Variants in LRP1 observed in about 807,000 individuals in gnomAD.
LRP1 encodes the protein LDL receptor related protein 1.
Under a neutral mutation model 541.5 loss-of-function variants are expected in LRP1, and 51 were observed. The ratio of observed to expected loss-of-function variants is 0.09; its 90% CI spans 0.08 to 0.12. The LOEUF is 0.12. Among genes scored for constraint, LRP1 ranks in the 10% least tolerant of loss-of-function variants. The probability of loss-of-function intolerance (pLI) is 1.00; values close to 1 mark genes in which losing one functional copy is unlikely to be tolerated. For missense variants in LRP1, 3,878 were observed against 6,376.2 expected (o/e 0.61, Z 13.34); for synonymous variants, 2,219 against 2,470.8 (o/e 0.90, Z 3.02).
Position 57,158,600 on chromosome 12 carries a change from A to C in LRP1, c.1760A>C (p.Lys587Thr), listed in dbSNP as rs1322290635. The C allele has an allele frequency of 6.2e-7, 1 of 1,614,050 alleles. No homozygotes were observed. The highest frequency in any genetic ancestry group is 8.5e-7 in the Non-Finnish European group (1 of 1,180,020). ...DTTSYLIGRQKIDGTERETIL... is the reference protein window; with the variant it reads ...DTTSYLIGRQTIDGTERETIL... ...ACCAGCTACCTCATTGGCCGCCAGA[A>C]GATTGATGGCACTGAGCGGGAGACC... Residue 587 changes from lysine (K) to threonine (T), a missense_variant, in exon 11 of 89, where the codon AAG (lysine) becomes ACG (threonine). Transcript: ENST00000243077. This position sits in a 1 kb window ranked among gnomAD's most constrained non-coding sequence, Gnocchi z 5.3.
At position 57,211,941 on chromosome 12, in the gene LRP1, C is replaced by T. The variant is rs2036927338; in HGVS notation, c.13273C>T (p.Leu4425=). The T allele has an allele frequency of 6.2e-7, 1 of 1,614,042 alleles. No individual in the cohort carries two copies. Among genetic ancestry groups the T allele is most frequent in the African/African-American group, 1.3e-5 (1 of 74,914 alleles). The change falls in exon 87 of 89, where the codon CTA becomes TTA. Residue 4425 remains leucine, a synonymous_variant. Transcript: ENST00000243077. This position sits in a 1 kb window ranked among gnomAD's most constrained non-coding sequence, Gnocchi z 4.3. Reference sequence around the variant, plus strand: ...CTTCCCTCCAGATATAGCCTCCATCCTAATCCCTCTGCTGTTGCTGCTGCT... The same window carrying T: ...CTTCCCTCCAGATATAGCCTCCATCTTAATCCCTCTGCTGTTGCTGCTGCT... The part of the protein sequence containing the change: ...QQQPGHIASI[L]IPLLLLLLLV...
chr12:57,204,399 C>T lies in LRP1; in HGVS notation c.10952-11C>T, dbSNP rs1447589196. The T allele has an allele frequency of 2.2e-5, 33 of 1,518,392 alleles. No homozygotes were observed. The highest frequency in any genetic ancestry group is 2.9e-5 in the Non-Finnish European group (33 of 1,131,918). The allele number at this position is 1,518,392 out of a possible 1,614,324, so 94.1% of individuals were successfully genotyped here. A position where few individuals can be genotyped will look rare whatever the true frequency, so the allele number is the denominator to read the frequency against. ...TGGCTCATTCTATCTCTTGGCTCCC[C>T]CTGGCACCAGTGCGGACCTGCCCCC... On this transcript the variant is annotated splice_polypyrimidine_tract_variant and intron_variant, in intron 70 of 88. Coordinates refer to ENST00000243077, the MANE Select transcript of LRP1 (RefSeq NM_002332.3). The surrounding 1 kb of genome is among the most constrained non-coding windows in gnomAD (Gnocchi z 5.3).
chr12:57,192,727 G>A lies in LRP1; in HGVS notation c.7430-118G>A, dbSNP rs544049917. Reference sequence around the variant, plus strand: ...CCACTGGCTGCAAGCCGCTGTGCCTGCCGTGACTGAGCAGAGGCTTGGGAG... The same window carrying A: ...CCACTGGCTGCAAGCCGCTGTGCCTACCGTGACTGAGCAGAGGCTTGGGAG... On this transcript the variant is annotated intron_variant, in intron 44 of 88. Transcript: ENST00000243077. 1.3e-5 allele frequency: 19 copies of A among 1,413,318 alleles called. No homozygotes were observed. The African/African-American group carries it at 2.7e-4, about 20-fold the overall frequency. The allele number at this position is 1,413,318 out of a possible 1,614,324, so 87.5% of individuals were successfully genotyped here. A position where few individuals can be genotyped will look rare whatever the true frequency, so the allele number is the denominator to read the frequency against.
rs2036642806 is a variant in LRP1 at position 57,201,021 on chromosome 12, C to T, written c.10226-13C>T. On this transcript the variant is annotated splice_polypyrimidine_tract_variant and intron_variant, in intron 64 of 88. Transcript: ENST00000243077. The surrounding 1 kb of genome is among the most constrained non-coding windows in gnomAD (Gnocchi z 6.4). ...CTCCCTTCGCCACGAATCACCTCCT[C>T]CTCCCTCCACAGACATCCACGTCTG... 3 of 1,613,956 alleles carry T rather than the reference C, an allele frequency of 1.9e-6. No homozygotes were observed. Among genetic ancestry groups the T allele is most frequent in the African/African-American group, 1.3e-5 (1 of 74,912 alleles).
rs2036375696 is a variant in LRP1 at position 57,191,377 on chromosome 12, A to G, written c.7294A>G (p.Ile2432Val). 6.2e-7 allele frequency: 1 copy of G among 1,613,196 alleles called. No homozygotes were observed. Among genetic ancestry groups the G allele is most frequent in the Admixed American group, 1.7e-5 (1 of 59,964 alleles). The change falls in exon 44 of 89, where the codon ATT becomes GTT. Residue 2432 changes from isoleucine to valine, a missense_variant. Transcript: ENST00000243077. ...PFGLAVYGEH[I>V]FWTDWVRRAV... The stretch of plus-strand genomic sequence containing the variant: ...CGGGCTGGCCGTGTATGGGGAGCAC[A>G]TTTTCTGGACTGACTGGGTGCGGCG...
chr12:57,149,348 C>G, intron 6 of LRP1: 1 of 480,880 alleles, frequency 2.1e-6, no homozygotes, highest in Non-Finnish European at 3.7e-6. Context: ...TAACAGCTCA[C>G]TCTTGCTCCT....
In LRP1 at chr12:57,160,930, G is replaced by A. The variant is rs1433951567; in HGVS notation, c.2017G>A (p.Asp673Asn). 1.9e-6 allele frequency: 3 copies of A among 1,613,952 alleles called. No individual in the cohort carries two copies. Among genetic ancestry groups the A allele is most frequent in the Non-Finnish European group, 1.7e-6 (2 of 1,180,016 alleles). The change falls in exon 13 of 89, where the codon GAC becomes AAC. Residue 673 changes from aspartate to asparagine, a missense_variant. This residue lies in a region of LRP1 where 496 missense variants were observed against 861.0 expected (regional missense o/e 0.58). Coordinates refer to ENST00000243077, the MANE Select transcript of LRP1 (RefSeq NM_002332.3). ...GACAGACTGGGAGGAGGACCCCAAG[G>A]ACAGTCGGCGTGGGCGGCTGGAGAG... The part of the protein sequence containing the change: ...YWTDWEEDPK[D>N]SRRGRLERAW...
intron 54 of LRP1, 33 bp downstream of exon 54, chr12:57,196,036 T>G: frequency 1.2e-6 from 2 of 1,611,210 alleles, no homozygotes; most frequent in Non-Finnish European, 1.7e-6. Context: ...CTCTGCCCCC[T>G]CCCCAGACTG....
chr12:57,210,274 C>CT, intron 81 of LRP1, 33 bp from the exon 82 acceptor site: 1 of 1,549,036 alleles, frequency 6.5e-7, no homozygotes, highest in Non-Finnish European at 8.7e-7. Flanking sequence ...TCCTATTCCC[C>CT]TGGCTCTGCC....
chr12:57,155,776 C>T (rs2035606137), intron 8 of LRP1, among the ~76,000 whole-genome samples: 2 of 152,008 alleles, frequency 1.3e-5, no homozygotes, highest in African/African-American at 4.8e-5. Flanking sequence ...TAGGGAAACC[C>T]CATCTCTACA....
In LRP1 at chr12:57,209,870, TG is replaced by T. The variant is rs35949232; in HGVS notation, c.12439+7del. 8.1e-6 allele frequency: 13 copies of T among 1,613,036 alleles called. No homozygotes were observed. Among genetic ancestry groups the T allele is most frequent in the Non-Finnish European group, 8.5e-6 (10 of 1,179,656 alleles). ...ACCATCAGCACAAGCAGCCCGAAGG[TG>T]GGGGCAGAGGGGAGCCTGGGCTGGG... On this transcript the variant is annotated splice_donor_region_variant and intron_variant, in intron 80 of 88. Transcript: ENST00000243077.
In LRP1 at chr12:57,206,416, T is replaced by C. The variant is rs919520430; in HGVS notation, c.11591-57T>C. 3 of 1,565,840 alleles carry C rather than the reference T, an allele frequency of 1.9e-6. No homozygotes were observed. In the African/African-American group the frequency reaches 4.1e-5, roughly 21 times the overall value. ...AGTGTTCATGTGAAAGGAGCTGAGC[T>C]GGGTGGGGTGCACACCTGCATCCCA... On this transcript the variant is annotated intron_variant, in intron 75 of 88. Coordinates refer to ENST00000243077, the MANE Select transcript of LRP1 (RefSeq NM_002332.3). This position sits in a 1 kb window ranked among gnomAD's most constrained non-coding sequence, Gnocchi z 4.7.
At chr12:57,193,405 T>C in intron 46 of LRP1, 101 bp downstream of exon 46, 5 of 1,538,782 alleles carry the variant, frequency 3.2e-6, no homozygotes, top group Non-Finnish European at 4.4e-6. Flanking sequence ...CCCAGCTTCC[T>C]GACCATGAGT....
At chr12:57,174,094 G>A in intron 22 of LRP1, 114 bp downstream of exon 22, 1 of 1,105,084 alleles carries the variant, frequency 9.0e-7, no homozygotes. Context: ...AGCCGGGCAG[G>A]CGAGCAGCAC....
intron 52 of LRP1, 121 bp from the exon 53 acceptor site, chr12:57,195,537 G>A (rs1027431441): frequency 3.8e-6 from 6 of 1,576,036 alleles, no homozygotes; most frequent in Admixed American, 1.7e-5. Flanking sequence ...TAGCCCAGGT[G>A]TCCAGACTCC....
chr12:57,202,897 C>A, intron 68 of LRP1: 1 of 569,064 alleles, frequency 1.8e-6, no homozygotes, highest in Non-Finnish European at 3.1e-6. Flanking sequence ...TCTCAGTGGT[C>A]TTGCCCCCGC....
intron 1 of LRP1, among the ~76,000 whole-genome samples, chr12:57,138,021 CAGAG>C (rs1565712430): frequency 6.6e-6 from 1 of 152,020 alleles, no homozygotes; most frequent in Non-Finnish European, 1.5e-5. Flanking sequence ...GGCAGGGAAG[CAGAG>C]AGGTTAGATA....
chr12:57,178,632 G>C lies in LRP1; in HGVS notation c.4606+29G>C. On this transcript the variant is annotated intron_variant, in intron 27 of 88. Coordinates refer to ENST00000243077, the MANE Select transcript of LRP1 (RefSeq NM_002332.3). The surrounding 1 kb of genome is among the most constrained non-coding windows in gnomAD (Gnocchi z 5.8). Reference sequence around the variant, plus strand: ...AGGGGCTCGGGGCCTCGAGCAGCCGGAAGGGAGCCAGCAGCCTCTTTAGAA... The same window carrying C: ...AGGGGCTCGGGGCCTCGAGCAGCCGCAAGGGAGCCAGCAGCCTCTTTAGAA... The C allele has an allele frequency of 6.2e-7, 1 of 1,613,320 alleles. No individual in the cohort carries two copies.
At position 57,198,662 on chromosome 12, in the gene LRP1, G is replaced by C. The variant is rs369789736; in HGVS notation, c.9668G>C (p.Arg3223Pro). The C allele has an allele frequency of 6.2e-7, 1 of 1,608,282 alleles. No individual in the cohort carries two copies. Among genetic ancestry groups the C allele is most frequent in the Non-Finnish European group, 8.5e-7 (1 of 1,177,648 alleles). Reference protein sequence around the residue: ...IEFASLDGSNRHVVLSQDIPH... With the variant: ...IEFASLDGSNPHVVLSQDIPH... ...TTTGCCAGCCTGGATGGCTCCAATC[G>C]CCACGTTGGTCAGTGTGCCAGTGAG... The change falls in exon 60 of 89, where the codon CGC becomes CCC. Residue 3223 changes from arginine (R) to proline (P), a missense_variant. Transcript: ENST00000243077.
Sources: allele counts gnomAD v4.1 joint callset (sites outside exome capture counted in the v4.1 genomes callset), GRCh38; gene constraint gnomAD v4.1.1; regional missense constraint gnomAD v4.1.1; non-coding constraint Gnocchi (gnomAD v3.1); transcripts MANE v1.5; gene names NCBI Gene and HGNC (gene_info 2026-07-23, HGNC 2026-07-21).